The following ATXN10 variants were observed in gnomAD, a reference collection of about 807,000 sequenced individuals.
ATXN10 encodes ataxin-10.
ATXN10 carries 28 observed loss-of-function variants against 52.9 expected under a neutral mutation model. That is an observed-to-expected ratio of 0.53 (90% CI 0.39 to 0.73). ATXN10 has a LOEUF of 0.73. Among genes scored for constraint, ATXN10 ranks in the 30% least tolerant of loss-of-function variants. The pLI is 0.00. For synonymous variants in ATXN10, 226 were observed against 221.5 expected, an observed-to-expected ratio of 1.02 and a Z score of -0.18; for missense variants, 565 against 577.0, an observed-to-expected ratio of 0.98 and a Z score of 0.21.
chr22:45,749,690 T>C (rs898410908), intron 9 of ATXN10, among the ~76,000 whole-genome samples: 4 of 151,858 alleles, frequency 2.6e-5, no homozygotes, highest in Non-Finnish European at 5.9e-5. Flanking sequence ...GCCTCCCACA[T>C]AACTGGGACT....
At chr22:45,682,188 G>A (rs560223330) in intron 1 of ATXN10, among the ~76,000 whole-genome samples, 38 of 152,160 alleles carry the variant, frequency 2.5e-4, no homozygotes, top group South Asian at 6.2e-4. Context: ...AATCCTTCCC[G>A]GATCTCAGAA....
chr22:45,768,077 T>C (rs1264121849), intron 9 of ATXN10, among the ~76,000 whole-genome samples: 1 of 152,242 alleles, frequency 6.6e-6, no homozygotes, highest in Admixed American at 6.5e-5. Context: ...GAAATAGCAG[T>C]ATGAAATCAT....
At position 45,842,914 on chromosome 22, in the gene ATXN10, A is replaced by G. The variant is rs1929392608; in HGVS notation, c.1238-77A>G. Reference sequence around the variant, plus strand: ...ATGTTCCGTGTTTCTGTGCTCCTCTACTCCTTTTCTGATAATTCTTATGTG... The same window carrying G: ...ATGTTCCGTGTTTCTGTGCTCCTCTGCTCCTTTTCTGATAATTCTTATGTG... On this transcript the variant is annotated intron_variant, in intron 10 of 11. Coordinates refer to ENST00000252934, the MANE Select transcript of ATXN10 (RefSeq NM_013236.4). The surrounding 1 kb of genome is among the most constrained non-coding windows in gnomAD (Gnocchi z 4.8). 2 of 1,484,434 alleles carry G rather than the reference A, an allele frequency of 1.3e-6. No individual in the cohort carries two copies. Among genetic ancestry groups the G allele is most frequent in the Admixed American group, 1.7e-5 (1 of 59,572 alleles). 92.0% of individuals were successfully genotyped at this position (1,484,434 alleles called of 1,614,324 possible).
intron 9 of ATXN10, among the ~76,000 whole-genome samples, chr22:45,771,416 T>G (rs1398582199): frequency 1.3e-5 from 2 of 150,348 alleles, no homozygotes; most frequent in African/African-American, 4.9e-5. Flanking sequence ...CTTGAGTCTT[T>G]TTTTTTTTTT....
chr22:45,785,078 G>T (rs981731890), intron 9 of ATXN10, among the ~76,000 whole-genome samples: 1 of 152,196 alleles, frequency 6.6e-6, no homozygotes, highest in Admixed American at 6.5e-5. Flanking sequence ...AGCTGTGCGT[G>T]TTAGCACAGA....
Position 45,790,738 on chromosome 22 carries a change from A to C in ATXN10, c.1174-16221A>C, listed in dbSNP as rs78733525. Among the ~76,000 whole-genome samples the C allele has an allele frequency of 6.6e-6, 1 of 151,752 alleles. No homozygotes were observed. Among genetic ancestry groups the C allele is most frequent in the African/African-American group, 2.4e-5 (1 of 41,244 alleles). The stretch of plus-strand genomic sequence containing the variant: ...TGTTCAAATAGCCACTGAAACATCT[A>C]CTCTTTTCTACACTTCACTGTAAGT... On this transcript the variant is annotated intron_variant, in intron 9 of 11. Transcript: ENST00000252934. The surrounding 1 kb of genome is among the most constrained non-coding windows in gnomAD (Gnocchi z 4.7).
intron 9 of ATXN10, among the ~76,000 whole-genome samples, chr22:45,791,552 T>C (rs931523756): frequency 6.6e-6 from 1 of 152,184 alleles, no homozygotes; most frequent in Non-Finnish European, 1.5e-5. Flanking sequence ...GTTGATATTA[T>C]TATGAGTACA....
chr22:45,724,240 C>T (rs191947576), intron 6 of ATXN10, among the ~76,000 whole-genome samples: 78 of 152,228 alleles, frequency 5.1e-4, no homozygotes, highest in African/African-American at 1.6e-3. Context: ...TGAGAAGTCC[C>T]CATACTATTT....
At chr22:45,680,608 A>ATG (rs1213163322) in intron 1 of ATXN10, among the ~76,000 whole-genome samples, 1 of 150,834 alleles carries the variant, frequency 6.6e-6, no homozygotes, top group African/African-American at 2.4e-5. Flanking sequence ...TCACAGCGCC[A>ATG]CCATGCCCCG....
chr22:45,680,453 G>A (rs1219263992), intron 1 of ATXN10, among the ~76,000 whole-genome samples: 1 of 152,084 alleles, frequency 6.6e-6, no homozygotes, highest in African/African-American at 2.4e-5. Flanking sequence ...CAGGGTTTTT[G>A]CTAGAAATTC....
chr22:45,779,314 G>T (rs1927065882), intron 9 of ATXN10, among the ~76,000 whole-genome samples: 1 of 152,204 alleles, frequency 6.6e-6, no homozygotes, highest in Non-Finnish European at 1.5e-5. Flanking sequence ...TCGTATGTAA[G>T]TGGAAGTATG....
chr22:45,733,708 AT>A lies in ATXN10; in HGVS notation c.894+4120del, dbSNP rs1925175963. ...GAGGCGGAGGTTGCTGTGAACTGAGATTGTGCCATTGCACTTCAGCCTGGGC... is the reference window on the plus strand; with the variant it reads ...GAGGCGGAGGTTGCTGTGAACTGAGATGTGCCATTGCACTTCAGCCTGGGC... On this transcript the variant is annotated intron_variant, in intron 7 of 11. Coordinates refer to ENST00000252934, the MANE Select transcript of ATXN10 (RefSeq NM_013236.4). The surrounding 1 kb of genome is among the most constrained non-coding windows in gnomAD (Gnocchi z 4.4). Among the ~76,000 whole-genome samples the A allele has an allele frequency of 6.6e-6, 1 of 151,720 alleles. No homozygotes were observed. The highest frequency in any genetic ancestry group is 1.5e-5 in the Non-Finnish European group (1 of 67,934).
chr22:45,682,273 A>G (rs189501637), intron 1 of ATXN10, among the ~76,000 whole-genome samples: 20 of 151,672 alleles, frequency 1.3e-4, no homozygotes, highest in Admixed American at 1.2e-3. Flanking sequence ...TGTGGCTTTA[A>G]TAACTTCCGT....
chr22:45,753,416 T>C (rs1926061557), intron 9 of ATXN10, among the ~76,000 whole-genome samples: 1 of 52,886 alleles, frequency 1.9e-5, no homozygotes. Context: ...TTTTTTTTTT[T>C]TTTTTTTTTG....
chr22:45,758,214 A>T (rs1342815695), intron 9 of ATXN10, among the ~76,000 whole-genome samples: 1 of 152,188 alleles, frequency 6.6e-6, no homozygotes, highest in Non-Finnish European at 1.5e-5. Flanking sequence ...GCTGTGGAGC[A>T]GGGCCACAGT....
In ATXN10 at chr22:45,823,089, T is replaced by C. The variant is rs753064601; in HGVS notation, c.1237+16067T>C. The C allele has an allele frequency of 2.2e-5, 10 of 455,162 alleles. No homozygotes were observed. Among genetic ancestry groups the C allele is most frequent in the African/African-American group, 1.6e-4 (8 of 49,234 alleles). The allele number at this position is 455,162 out of a possible 1,614,324, so 28.2% of individuals were successfully genotyped here. On this transcript the variant is annotated intron_variant, in intron 10 of 11. Transcript: ENST00000252934. This position sits in a 1 kb window ranked among gnomAD's most constrained non-coding sequence, Gnocchi z 4.9. ...CTTAAATAGAGTAAACTGCAAAATT[T>C]TTAAGTATACATCTTGACATAAGTA... is the stretch of plus-strand genomic sequence containing the variant.
Position 45,786,697 on chromosome 22 carries a change from C to T in ATXN10, c.1174-20262C>T, listed in dbSNP as rs1175592303. Among the ~76,000 whole-genome samples the T allele has an allele frequency of 1.3e-5, 2 of 152,196 alleles. No homozygotes were observed. The highest frequency in any genetic ancestry group is 4.8e-5 in the African/African-American group (2 of 41,450). The stretch of plus-strand genomic sequence containing the variant: ...AAATGTAGGCAGCTGGAGGAATGCT[C>T]AGCCTTCCTTTATGGCAAAGGAAAG... On this transcript the variant is annotated intron_variant, in intron 9 of 11. Transcript: ENST00000252934. The surrounding 1 kb of genome is among the most constrained non-coding windows in gnomAD (Gnocchi z 4.1).
Position 45,766,704 on chromosome 22 carries a change from A to G in ATXN10, c.1173+26166A>G, listed in dbSNP as rs1446703082. ...TACATTTTTAAAAAGTTGGATGACAAGAAGCAAATAAGCACATAAAATGAT... is the reference window on the plus strand; with the variant it reads ...TACATTTTTAAAAAGTTGGATGACAGGAAGCAAATAAGCACATAAAATGAT... On this transcript the variant is annotated intron_variant, in intron 9 of 11. Transcript: ENST00000252934. The surrounding 1 kb of genome is among the most constrained non-coding windows in gnomAD (Gnocchi z 4.6). Among the ~76,000 whole-genome samples the G allele has an allele frequency of 6.6e-6, 1 of 152,246 alleles. No homozygotes were observed. The highest frequency in any genetic ancestry group is 1.5e-5 in the Non-Finnish European group (1 of 68,040).
At chr22:45,699,876 T>A (rs1406002616) in intron 3 of ATXN10, among the ~76,000 whole-genome samples, 1 of 150,218 alleles carries the variant, frequency 6.7e-6, no homozygotes, top group Non-Finnish European at 1.5e-5. Context: ...AGACAGAGTC[T>A]CACTCTGTCT....
Sources: gnomAD v4.1 joint callset for allele counts (sites outside exome capture counted in the v4.1 genomes callset) on GRCh38, gnomAD v4.1.1 for gene constraint, Gnocchi (gnomAD v3.1) non-coding constraint, MANE v1.5 for transcripts, NCBI Gene and HGNC (gene_info 2026-07-23, HGNC 2026-07-21) for gene names.